RYR3: variants seen among roughly 807,000 people sequenced by gnomAD.
RYR3 encodes the protein brain ryanodine receptor-calcium release channel.
A neutral mutation model predicts 584.3 loss-of-function variants in RYR3; 207 were observed. The ratio of observed to expected loss-of-function variants is 0.35; its 90% CI spans 0.32 to 0.40. The LOEUF (loss-of-function observed/expected upper bound fraction) is 0.40, where lower values mean the gene tolerates loss of function less well. RYR3 is among the 10% of genes least tolerant of loss of function. RYR3 has a pLI of 1.00. For missense variants in RYR3, 5,616 were observed against 6,089.2 expected (o/e 0.92, Z 2.59); for synonymous variants, 2,416 against 2,248.5 (o/e 1.07, Z -2.11).
intron 43 of RYR3, among the ~76,000 whole-genome samples, chr15:33,711,771 C>A (rs1358097277): frequency 6.6e-6 from 1 of 152,178 alleles, no homozygotes; most frequent in Non-Finnish European, 1.5e-5. Flanking sequence ...ATTTTGGTCA[C>A]AACCATTTAA....
chr15:33,401,126 G>A lies in RYR3; in HGVS notation c.52-72293G>A, dbSNP rs528583065. ...AGCATGGGAAGTGTCCCCCTTGAGA[G>A]TGTTATTTAGCGGTCTCTTCTGCTC... On this transcript the variant is annotated intron_variant, in intron 1 of 103. Coordinates refer to ENST00000634891, the MANE Select transcript of RYR3 (RefSeq NM_001036.6). Among the ~76,000 whole-genome samples, 9 of 152,262 alleles carry A rather than the reference G, an allele frequency of 5.9e-5. 1 individual carries two copies. The highest frequency in any genetic ancestry group is 2.2e-4 in the African/African-American group (9 of 41,544).
chr15:33,354,605 C>A (rs950823963), intron 1 of RYR3, among the ~76,000 whole-genome samples: 3 of 152,154 alleles, frequency 2.0e-5, no homozygotes, highest in Non-Finnish European at 4.4e-5. Context: ...TGCAAGCCTG[C>A]CCTGGAATTG....
intron 49 of RYR3, among the ~76,000 whole-genome samples, chr15:33,736,930 T>C (rs952059338): frequency 6.6e-6 from 1 of 152,112 alleles, no homozygotes; most frequent in Non-Finnish European, 1.5e-5. Flanking sequence ...TGTGTGTTTG[T>C]TTGTTTTTTA....
chr15:33,788,258 G>T lies in RYR3; in HGVS notation c.9630G>T (p.Leu3210=). ...QPIISKARPD[L]LRSHFIPTLE... ...TCATCAGCAAAGCCAGGCCCGACCTGCTGAGAAGCCACTTCATCCCAACTC... is the reference window on the plus strand; with the variant it reads ...TCATCAGCAAAGCCAGGCCCGACCTTCTGAGAAGCCACTTCATCCCAACTC... Residue 3210 remains leucine, a synonymous_variant, in exon 67 of 104, where the codon CTG becomes CTT. Transcript: ENST00000634891. 6.2e-7 allele frequency: 1 copy of T among 1,613,980 alleles called. No homozygotes were observed. The highest frequency in any genetic ancestry group is 8.5e-7 in the Non-Finnish European group (1 of 1,179,878).
At chr15:33,556,912 G>C (rs937922542) in intron 10 of RYR3, among the ~76,000 whole-genome samples, 1 of 151,918 alleles carries the variant, frequency 6.6e-6, no homozygotes, top group Non-Finnish European at 1.5e-5. Context: ...TGCTGTGCTT[G>C]TTGATTTATA....
chr15:33,664,112 T>A (rs777173354), intron 36 of RYR3, among the ~76,000 whole-genome samples: 1 of 152,114 alleles, frequency 6.6e-6, no homozygotes, highest in Admixed American at 6.5e-5. Flanking sequence ...GTCTATCAGT[T>A]ACCAACAGAA....
intron 64 of RYR3, among the ~76,000 whole-genome samples, chr15:33,777,967 C>G (rs181365355): frequency 1.3e-5 from 2 of 152,030 alleles, no homozygotes; most frequent in East Asian, 3.9e-4. Flanking sequence ...GTCAGGAGTT[C>G]GAGGCCAGCC....
At chr15:33,819,692 A>G (rs1677727677) in intron 76 of RYR3, 64 bp from the exon 77 acceptor site, 1 of 610,924 alleles carries the variant, frequency 1.6e-6, no homozygotes. Flanking sequence ...ATAAATAAAT[A>G]AATAAATAAA....
At chr15:33,507,451 C>G (rs1596410202) in intron 3 of RYR3, among the ~76,000 whole-genome samples, 3 of 152,142 alleles carry the variant, frequency 2.0e-5, no homozygotes, top group Non-Finnish European at 4.4e-5. Flanking sequence ...TGATCTAATC[C>G]TATGTAATTT....
chr15:33,594,475 T>G (rs1271492131), intron 16 of RYR3, among the ~76,000 whole-genome samples: 2 of 152,206 alleles, frequency 1.3e-5, no homozygotes. Flanking sequence ...CTTAACTCTG[T>G]AAAACAAAAC....
At chr15:33,860,538 T>C in intron 100 of RYR3, 57 bp from the exon 101 acceptor site, 3 of 1,029,288 alleles carry the variant, frequency 2.9e-6, no homozygotes, top group Non-Finnish European at 4.2e-6. Context: ...TCCTTTATCA[T>C]TCCTCTACCC....
At chr15:33,699,196 A>T (rs2066081163) in intron 40 of RYR3, among the ~76,000 whole-genome samples, 1 of 150,044 alleles carries the variant, frequency 6.7e-6, no homozygotes, top group South Asian at 2.1e-4. Flanking sequence ...GGTGGGCCTT[A>T]TGTGTCTACG....
At chr15:33,576,438 C>T (rs1467231895) in intron 12 of RYR3, among the ~76,000 whole-genome samples, 2 of 152,180 alleles carry the variant, frequency 1.3e-5, no homozygotes, top group African/African-American at 4.8e-5. Context: ...TTGGCTTCAT[C>T]CCTGGGATGC....
rs1488368185 is a variant in RYR3 at position 33,586,130 on chromosome 15, G to A, written c.1788+14G>A. On this transcript the variant is annotated intron_variant, in intron 16 of 103. Coordinates refer to ENST00000634891, the MANE Select transcript of RYR3 (RefSeq NM_001036.6). ...CGGAATCACAAGGTAGGTGTGGAAAGAACGGTGATTGACTTTGCCTGGTGT... is the reference window on the plus strand; with the variant it reads ...CGGAATCACAAGGTAGGTGTGGAAAAAACGGTGATTGACTTTGCCTGGTGT... 6 of 1,488,036 alleles carry A rather than the reference G, an allele frequency of 4.0e-6. No homozygotes were observed. Among genetic ancestry groups the A allele is most frequent in the African/African-American group, 2.8e-5 (2 of 72,430 alleles). The allele number at this position is 1,488,036 out of a possible 1,614,324, so 92.2% of individuals were successfully genotyped here.
At chr15:33,825,551 G>C in intron 81 of RYR3, 52 bp from the exon 82 acceptor site, 1 of 1,188,364 alleles carries the variant, frequency 8.4e-7, no homozygotes, top group Non-Finnish European at 1.2e-6. Flanking sequence ...TTAGAAATCT[G>C]CTTTCCCAGC....
intron 20 of RYR3, among the ~76,000 whole-genome samples, chr15:33,626,048 G>C (rs1338529834): frequency 6.6e-6 from 1 of 152,204 alleles, no homozygotes. Context: ...AGGGCTGCTG[G>C]TGCCCAAGCA....
intron 38 of RYR3, among the ~76,000 whole-genome samples, chr15:33,681,005 T>C (rs1427367987): frequency 6.6e-6 from 1 of 152,256 alleles, no homozygotes; most frequent in Admixed American, 6.5e-5. Context: ...ACAGCAGTTC[T>C]GCAGTAGGTG....
chr15:33,323,076 C>T (rs541267968), intron 1 of RYR3, among the ~76,000 whole-genome samples: 1 of 151,482 alleles, frequency 6.6e-6, no homozygotes, highest in Admixed American at 6.6e-5. Flanking sequence ...CATATTTTCT[C>T]TTCCGTGCTA....
intron 5 of RYR3, among the ~76,000 whole-genome samples, chr15:33,535,525 A>G (rs1457730684): frequency 6.6e-6 from 1 of 152,254 alleles, no homozygotes; most frequent in Non-Finnish European, 1.5e-5. Flanking sequence ...TGGAAATTAC[A>G]AAGTGAGTGA....
Sources: gnomAD v4.1 joint callset for allele counts (sites outside exome capture counted in the v4.1 genomes callset) on GRCh38, gnomAD v4.1.1 for gene constraint, MANE v1.5 for transcripts, NCBI Gene and HGNC (gene_info 2026-07-23, HGNC 2026-07-21) for gene names.